Variants in CCDC27 observed in about 807,000 individuals in gnomAD.
The protein encoded by CCDC27 is coiled-coil domain-containing protein 27.
In CCDC27, 80 loss-of-function variants were observed where a neutral mutation model predicts 80.3. The ratio of observed to expected loss-of-function variants is 1.00; its 90% CI spans 0.83 to 1.20. The LOEUF is 1.20. CCDC27 is among the 50% of genes most tolerant of loss of function. CCDC27 has a pLI of 0.00. For missense variants in CCDC27, 815 were observed against 809.4 expected, an observed-to-expected ratio of 1.01 and a Z score of -0.08; for synonymous variants, 342 against 334.3, an observed-to-expected ratio of 1.02 and a Z score of -0.25.
In CCDC27 at chr1:3,760,190, G is replaced by T. The variant is rs575843797; in HGVS notation, c.712-1091G>T. ...GACCATGGCTTGGGTGATGAAATGTGATTTCTGCACTTTTTTTTCCCTTTA... is the reference window on the plus strand; with the variant it reads ...GACCATGGCTTGGGTGATGAAATGTTATTTCTGCACTTTTTTTTCCCTTTA... On this transcript the variant is annotated intron_variant, in intron 4 of 11. Coordinates refer to ENST00000294600, the MANE Select transcript of CCDC27 (RefSeq NM_152492.3). This position sits in a 1 kb window ranked among gnomAD's most constrained non-coding sequence, Gnocchi z 4.3. 5.9e-5 allele frequency among the ~76,000 whole-genome samples: 9 copies of T among 152,300 alleles called. No homozygotes were observed. Among genetic ancestry groups the T allele is most frequent in the African/African-American group, 2.2e-4 (9 of 41,556 alleles).
chr1:3,752,688 C>T lies in CCDC27; in HGVS notation c.207C>T (p.Leu69=), dbSNP rs1480833149. The T allele has an allele frequency of 1.2e-6, 2 of 1,613,918 alleles. No individual in the cohort carries two copies. Among genetic ancestry groups the T allele is most frequent in the African/African-American group, 1.3e-5 (1 of 74,946 alleles). Reference sequence around the variant, plus strand: ...GCTCGATGGCCAGGGCCCTGGTGCTCCTCCAGAGCATGGCCAGCCGGGACG... The same window carrying T: ...GCTCGATGGCCAGGGCCCTGGTGCTTCTCCAGAGCATGGCCAGCCGGGACG... ...MSSSMARALV[L]LQSMASRDAR... Residue 69 remains leucine, a synonymous_variant, in exon 1 of 12, where the codon CTC becomes CTT. Coordinates refer to ENST00000294600, the MANE Select transcript of CCDC27 (RefSeq NM_152492.3).
Position 3,763,199 on chromosome 1 carries a change from G to T in CCDC27, c.1046G>T (p.Gly349Val). ...EDEGLEGEPD[G>V]VEDTGAWGGV... is the part of the protein sequence containing the mutation. The stretch of plus-strand genomic sequence containing the variant: ...GAGGGCCTGGAAGGGGAGCCCGATG[G>T]GGTGGAGGACACGGGTGCCTGGGGA... The change falls in exon 7 of 12, where the codon GGG becomes GTG. Residue 349 changes from glycine to valine, a missense_variant. Gly to Val is a moderately radical substitution (Grantham distance 109). Transcript: ENST00000294600. This position sits in a 1 kb window ranked among gnomAD's most constrained non-coding sequence, Gnocchi z 7.5. 1 of 1,528,252 alleles carries T rather than the reference G, an allele frequency of 6.5e-7. No individual in the cohort carries two copies. 94.7% of individuals were successfully genotyped at this position (1,528,252 alleles called of 1,614,324 possible).
intron 4 of CCDC27, among the ~76,000 whole-genome samples, chr1:3,757,506 T>TCCCA (rs928410514): frequency 3.9e-5 from 6 of 151,938 alleles, no homozygotes; most frequent in African/African-American, 1.2e-4. Flanking sequence ...GGTGGTGTGA[T>TCCCA]CCCAGCTCAC....
Position 3,761,153 on chromosome 1 carries a change from C to T in CCDC27, c.712-128C>T, listed in dbSNP as rs994883459. 6 of 1,084,140 alleles carry T rather than the reference C, an allele frequency of 5.5e-6. No individual in the cohort carries two copies. The highest frequency in any genetic ancestry group is 4.8e-5 in the East Asian group (2 of 41,306). 67.2% of individuals were successfully genotyped at this position (1,084,140 alleles called of 1,614,324 possible). On this transcript the variant is annotated intron_variant, in intron 4 of 11. Transcript: ENST00000294600. The surrounding 1 kb of genome is among the most constrained non-coding windows in gnomAD (Gnocchi z 5.0). ...TTTACCGCAGTACCTATCTTGAAAT[C>T]CCTGGGACCCTGGGGTTTTGGGGTA...
rs1643052826 is a variant in CCDC27 at position 3,760,169 on chromosome 1, A to AT, written c.712-1111dup. Among the ~76,000 whole-genome samples, 1 of 152,222 alleles carries AT rather than the reference A, an allele frequency of 6.6e-6. No individual in the cohort carries two copies. Among genetic ancestry groups the AT allele is most frequent in the Non-Finnish European group, 1.5e-5 (1 of 68,036 alleles). Reference sequence around the variant, plus strand: ...TGAGACGTGCAAGTGTCTCGGGACCATGGCTTGGGTGATGAAATGTGATTT... The same window carrying AT: ...TGAGACGTGCAAGTGTCTCGGGACCATTGGCTTGGGTGATGAAATGTGATTT... On this transcript the variant is annotated intron_variant, in intron 4 of 11. Transcript: ENST00000294600. This position sits in a 1 kb window ranked among gnomAD's most constrained non-coding sequence, Gnocchi z 4.3.
Position 3,767,408 on chromosome 1 carries a change from A to T in CCDC27, c.1706A>T (p.Gln569Leu). The change falls in exon 10 of 12, where the codon CAG (glutamine) becomes CTG (leucine). Residue 569 changes from glutamine to leucine, a missense_variant. Coordinates refer to ENST00000294600, the MANE Select transcript of CCDC27 (RefSeq NM_152492.3). ...SKKEMIQQAE[Q>L]HTRVALESSQ... Reference sequence around the variant, plus strand: ...AAGGAGATGATTCAGCAGGCAGAGCAGCACACCCGCGTGGCCCTGGAGAGC... The same window carrying T: ...AAGGAGATGATTCAGCAGGCAGAGCTGCACACCCGCGTGGCCCTGGAGAGC... 1.2e-6 allele frequency: 2 copies of T among 1,613,522 alleles called. No homozygotes were observed. Among genetic ancestry groups the T allele is most frequent in the Non-Finnish European group, 1.7e-6 (2 of 1,180,026 alleles).
intron 6 of CCDC27, 122 bp downstream of exon 6, chr1:3,762,834 C>T (rs1471850435): frequency 1.0e-6 from 1 of 991,808 alleles, no homozygotes; most frequent in Non-Finnish European, 1.5e-6. Flanking sequence ...TGGGGTGCCC[C>T]ACTCCAGGGG....
chr1:3,761,448 G>A lies in CCDC27; in HGVS notation c.861+18G>A, dbSNP rs771234548. ...GCAGGAGGGTGAGCCAGCCCCAGCG[G>A]GGCACAGCGCAGAGCTCTAAGACGG... is the stretch of plus-strand genomic sequence containing the variant. On this transcript the variant is annotated intron_variant, in intron 5 of 11. Transcript: ENST00000294600. This position sits in a 1 kb window ranked among gnomAD's most constrained non-coding sequence, Gnocchi z 5.0. The A allele has an allele frequency of 1.2e-5, 19 of 1,612,540 alleles. No individual in the cohort carries two copies. The East Asian group carries it at 3.6e-4, about 30-fold the overall frequency.
At chr1:3,756,298 C>T (rs1230444126) in intron 3 of CCDC27, 1 of 155,498 alleles carries the variant, frequency 6.4e-6, no homozygotes, top group African/African-American at 2.4e-5. Flanking sequence ...TGAAATCGTG[C>T]CACTGCACTC....
Position 3,769,928 on chromosome 1 carries a change from C to A in CCDC27, c.1848+41C>A. ...CAGCTGCCTCTATCCGGGCCCCAGACCCCCAGGCCAGAGCTGTGGTAGGGG... is the reference window on the plus strand; with the variant it reads ...CAGCTGCCTCTATCCGGGCCCCAGAACCCCAGGCCAGAGCTGTGGTAGGGG... On this transcript the variant is annotated intron_variant, in intron 11 of 11. Transcript: ENST00000294600. The surrounding 1 kb of genome is among the most constrained non-coding windows in gnomAD (Gnocchi z 4.6). The A allele has an allele frequency of 6.9e-7, 1 of 1,442,546 alleles. No homozygotes were observed. Among genetic ancestry groups the A allele is most frequent in the Non-Finnish European group, 9.8e-7 (1 of 1,023,810 alleles). 89.4% of individuals were successfully genotyped at this position (1,442,546 alleles called of 1,614,324 possible).
chr1:3,766,500 G>C lies in CCDC27; in HGVS notation c.1453-35G>C, dbSNP rs781686601. On this transcript the variant is annotated intron_variant, in intron 8 of 11. Transcript: ENST00000294600. This position sits in a 1 kb window ranked among gnomAD's most constrained non-coding sequence, Gnocchi z 6.1. ...AATTCAGTCTGTTATCTAAACCTGGGAGTCCCCCAAGCCAACCCTTCTGTC... is the reference window on the plus strand; with the variant it reads ...AATTCAGTCTGTTATCTAAACCTGGCAGTCCCCCAAGCCAACCCTTCTGTC... The C allele has an allele frequency of 1.3e-6, 2 of 1,499,546 alleles. No homozygotes were observed. The highest frequency in any genetic ancestry group is 2.3e-5 in the South Asian group (2 of 87,510). 92.9% of individuals were successfully genotyped at this position (1,499,546 alleles called of 1,614,324 possible). A position where few individuals can be genotyped will look rare whatever the true frequency, so the allele number is the denominator to read the frequency against.
chr1:3,768,320 C>T lies in CCDC27; in HGVS notation c.1743+875C>T, dbSNP rs1211122836. Among the ~76,000 whole-genome samples the T allele has an allele frequency of 6.6e-6, 1 of 152,100 alleles. No individual in the cohort carries two copies. Among genetic ancestry groups the T allele is most frequent in the Admixed American group, 6.5e-5 (1 of 15,274 alleles). On this transcript the variant is annotated intron_variant, in intron 10 of 11. Coordinates refer to ENST00000294600, the MANE Select transcript of CCDC27 (RefSeq NM_152492.3). This position sits in a 1 kb window ranked among gnomAD's most constrained non-coding sequence, Gnocchi z 5.6. ...CTATGCTGTCCAGGCTGGTCTTGAA[C>T]TCCTGGGCTCCAGCAATCTGCCTGC...
Position 3,752,609 on chromosome 1 carries a change from G to C in CCDC27, c.128G>C (p.Arg43Pro), listed in dbSNP as rs1037393854. Residue 43 changes from arginine (R) to proline (P), a missense_variant, in exon 1 of 12, where the codon CGC (arginine) becomes CCC (proline). Coordinates refer to ENST00000294600, the MANE Select transcript of CCDC27 (RefSeq NM_152492.3). ...AGCTCACTTGGTCTTTGCATCCCAC[G>C]CCTCATGTTACCTAAGGAGGCCAGC... ...QQSSLGLCIP[R>P]LMLPKEASPS... 6.2e-7 allele frequency: 1 copy of C among 1,614,074 alleles called. No individual in the cohort carries two copies. The highest frequency in any genetic ancestry group is 1.3e-5 in the African/African-American group (1 of 74,930).
At chr1:3,756,544 G>A (rs1354690016) in intron 3 of CCDC27, 189 bp from the exon 4 acceptor site, 2 of 579,126 alleles carry the variant, frequency 3.5e-6, no homozygotes, top group Non-Finnish European at 3.0e-6. Context: ...GCCCCATCGT[G>A]TTCACAGCAG....
chr1:3,761,225 G>A lies in CCDC27; in HGVS notation c.712-56G>A. 1.3e-6 allele frequency: 2 copies of A among 1,590,904 alleles called. No individual in the cohort carries two copies. Among genetic ancestry groups the A allele is most frequent in the South Asian group, 2.3e-5 (2 of 87,098 alleles). ...TCCTGGGTGGGCTGGAGGCAGGTCA[G>A]GGGAAGAGTGTGTGGCTGCATGGCC... On this transcript the variant is annotated intron_variant, in intron 4 of 11. Coordinates refer to ENST00000294600, the MANE Select transcript of CCDC27 (RefSeq NM_152492.3). The surrounding 1 kb of genome is among the most constrained non-coding windows in gnomAD (Gnocchi z 5.0).
At chr1:3,759,183 C>T (rs891467974) in intron 4 of CCDC27, among the ~76,000 whole-genome samples, 8 of 151,720 alleles carry the variant, frequency 5.3e-5, no homozygotes, top group Middle Eastern at 6.8e-3. Context: ...AGCCACTGCA[C>T]GCCAGCCCAG....
chr1:3,755,279 G>A (rs1642923361), intron 2 of CCDC27, among the ~76,000 whole-genome samples, 178 bp from the exon 3 acceptor site: 1 of 152,174 alleles, frequency 6.6e-6, no homozygotes, highest in Non-Finnish European at 1.5e-5. Flanking sequence ...GAGACACCAG[G>A]GCAGGCAGGA....
Position 3,761,657 on chromosome 1 carries a change from G to C in CCDC27, c.861+227G>C, listed in dbSNP as rs1181882. ...GAGAGCCATGAGCTGATGCAACAGG[G>C]GGGGGAGAGATGAATGGAGGCGCAA... On this transcript the variant is annotated intron_variant, in intron 5 of 11. Coordinates refer to ENST00000294600, the MANE Select transcript of CCDC27 (RefSeq NM_152492.3). This position sits in a 1 kb window ranked among gnomAD's most constrained non-coding sequence, Gnocchi z 5.0. 0.48 allele frequency among the ~76,000 whole-genome samples: 72,516 copies of C among 152,034 alleles called. 18,755 individuals are homozygous for C. Among genetic ancestry groups the C allele is most frequent in the African/African-American group, 0.68 (28,256 of 41,486 alleles).
In CCDC27 at chr1:3,762,704, T is replaced by TG. The variant is rs1215727546; in HGVS notation, c.948dup (p.Trp317ValfsTer51). 5.2e-6 allele frequency: 8 copies of TG among 1,548,504 alleles called. No individual in the cohort carries two copies. The highest frequency in any genetic ancestry group is 6.1e-6 in the Non-Finnish European group (7 of 1,146,408). ...CAGACATGAGGAGGAGCTGCAGCACTGGTGGCAGGTGCGGGCCGCCTGGAG... is the reference window on the plus strand; with the variant it reads ...CAGACATGAGGAGGAGCTGCAGCACTGGGTGGCAGGTGCGGGCCGCCTGGAG... On this transcript the variant is annotated frameshift_variant, in exon 6 of 12. Coordinates refer to ENST00000294600, the MANE Select transcript of CCDC27 (RefSeq NM_152492.3). LOFTEE classifies it high-confidence loss of function.
Sources: allele counts gnomAD v4.1 joint callset (sites outside exome capture counted in the v4.1 genomes callset), GRCh38; gene constraint gnomAD v4.1.1; non-coding constraint Gnocchi (gnomAD v3.1); transcripts MANE v1.5; gene names NCBI Gene and HGNC (gene_info 2026-07-23, HGNC 2026-07-21).